TOX3: variants seen among roughly 807,000 people sequenced by gnomAD.
TOX3 encodes CAG trinucleotide repeat-containing gene F9 protein.
A neutral mutation model predicts 64.3 loss-of-function variants in TOX3; 22 were observed. The observed-to-expected ratio is 0.34, with a 90% CI of 0.24 to 0.49. TOX3 has a LOEUF of 0.49. Among genes scored for constraint, TOX3 ranks in the 20% least tolerant of loss-of-function variants. TOX3 has a pLI of 0.99. For missense variants in TOX3, 661 were observed against 714.4 expected, an observed-to-expected ratio of 0.93 and a Z score of 0.85; for synonymous variants, 291 against 273.6, an observed-to-expected ratio of 1.06 and a Z score of -0.63.
In TOX3 at chr16:52,468,502, C is replaced by T. The variant is rs538514675; in HGVS notation, c.153+7G>A. ...ACAGGAACAAACACATTAAGACAGTCACCTACCTCACTGGCAGCGAAGAAC... is the reference window on the plus strand; with the variant it reads ...ACAGGAACAAACACATTAAGACAGTTACCTACCTCACTGGCAGCGAAGAAC... On this transcript the variant is annotated splice_region_variant and intron_variant, in intron 2 of 6. Transcript: ENST00000219746. 13 of 1,612,246 alleles carry T rather than the reference C, an allele frequency of 8.1e-6. No individual in the cohort carries two copies. In the South Asian group the frequency reaches 1.3e-4, roughly 16 times the overall value.
At chr16:52,536,627 CTATATATATATATA>C (rs57164139) in intron 1 of TOX3, among the ~76,000 whole-genome samples, 1,824 of 34,260 alleles carry the variant, frequency 0.053, 69 homozygotes, top group Middle Eastern at 0.16. Context: ...TAGATATACA[CTATATATATATATA>C]TATATATATA....
intron 1 of TOX3, among the ~76,000 whole-genome samples, chr16:52,545,596 T>C (rs777238740): frequency 9.9e-5 from 15 of 152,068 alleles, no homozygotes; most frequent in Non-Finnish European, 1.5e-4. Context: ...ACAAACAAAC[T>C]ACGATTTGAA....
intron 1 of TOX3, among the ~76,000 whole-genome samples, chr16:52,490,788 C>T (rs1567332568): frequency 1.3e-5 from 2 of 151,774 alleles, no homozygotes. Flanking sequence ...CACCATCACA[C>T]CCAGCTAATT....
chr16:52,512,598 T>C (rs1456228649), intron 1 of TOX3, among the ~76,000 whole-genome samples: 1 of 152,078 alleles, frequency 6.6e-6, no homozygotes, highest in Non-Finnish European at 1.5e-5. Flanking sequence ...TGGATGGCAA[T>C]AAATAAGAAT....
intron 1 of TOX3, among the ~76,000 whole-genome samples, chr16:52,488,177 G>A (rs1212277327): frequency 6.6e-6 from 1 of 152,068 alleles, no homozygotes; most frequent in Non-Finnish European, 1.5e-5. Flanking sequence ...CTCTTCCATT[G>A]GAAACTCTTC....
intron 1 of TOX3, among the ~76,000 whole-genome samples, chr16:52,531,773 T>C (rs1240346094): frequency 6.6e-6 from 1 of 152,016 alleles, no homozygotes; most frequent in Non-Finnish European, 1.5e-5. Context: ...CTTTAGAAGA[T>C]TAAACCAGAA....
At chr16:52,506,298 G>A (rs1962161102) in intron 1 of TOX3, among the ~76,000 whole-genome samples, 1 of 152,124 alleles carries the variant, frequency 6.6e-6, no homozygotes, top group Admixed American at 6.6e-5. Flanking sequence ...GCTATCAAAA[G>A]ACAGATAAAA....
intron 3 of TOX3, among the ~76,000 whole-genome samples, chr16:52,453,972 T>C (rs1960439425): frequency 6.6e-6 from 1 of 152,188 alleles, no homozygotes; most frequent in Admixed American, 6.5e-5. Flanking sequence ...TCTAATTTAA[T>C]CCCCTAGATT....
intron 4 of TOX3, among the ~76,000 whole-genome samples, chr16:52,448,964 T>C (rs1960252662): frequency 6.6e-6 from 1 of 152,206 alleles, no homozygotes; most frequent in South Asian, 2.1e-4. Context: ...ATTCTGGCTC[T>C]CAAACTAAAA....
At chr16:52,500,020 A>G (rs1284579191) in intron 1 of TOX3, among the ~76,000 whole-genome samples, 3 of 152,212 alleles carry the variant, frequency 2.0e-5, no homozygotes, top group Admixed American at 6.5e-5. Flanking sequence ...AACAAGAGAT[A>G]TGTTTATGTT....
intron 1 of TOX3, among the ~76,000 whole-genome samples, chr16:52,528,775 T>C (rs1432254223): frequency 1.3e-5 from 2 of 152,214 alleles, no homozygotes; most frequent in East Asian, 1.9e-4. Flanking sequence ...AGTACATTTG[T>C]ATTGCCATGA....
chr16:52,480,534 A>G (rs1298564259), intron 1 of TOX3, among the ~76,000 whole-genome samples: 1 of 152,212 alleles, frequency 6.6e-6, no homozygotes, highest in Non-Finnish European at 1.5e-5. Flanking sequence ...CAAATGTAAA[A>G]AAGGAACAAC....
At chr16:52,468,845 C>G (rs1428986790) in intron 1 of TOX3, among the ~76,000 whole-genome samples, 1 of 152,158 alleles carries the variant, frequency 6.6e-6, no homozygotes, top group Non-Finnish European at 1.5e-5. Context: ...GCCAACTGGT[C>G]ACCAGTGTGT....
intron 1 of TOX3, among the ~76,000 whole-genome samples, chr16:52,526,756 G>A (rs979608212): frequency 2.0e-5 from 3 of 152,150 alleles, no homozygotes; most frequent in East Asian, 1.9e-4. Flanking sequence ...TAGTCTTTGC[G>A]ATTTTCTGTT....
chr16:52,439,000 C>T lies in TOX3; in HGVS notation c.*225G>A, dbSNP rs1453490734. Reference sequence around the variant, plus strand: ...ATAAAAAAGGCATCACATAAAAGAGCACAGCTTTTCTTGTTTAAAAACAAA... The same window carrying T: ...ATAAAAAAGGCATCACATAAAAGAGTACAGCTTTTCTTGTTTAAAAACAAA... On this transcript the variant is annotated 3_prime_UTR_variant, in exon 7 of 7. Coordinates refer to ENST00000219746, the MANE Select transcript of TOX3 (RefSeq NM_001080430.4). The T allele has an allele frequency of 6.9e-6, 5 of 729,918 alleles. No individual in the cohort carries two copies. Among genetic ancestry groups the T allele is most frequent in the African/African-American group, 1.7e-5 (1 of 57,838 alleles). 45.2% of individuals were successfully genotyped at this position (729,918 alleles called of 1,614,324 possible).
chr16:52,449,430 T>A (rs912141834), intron 4 of TOX3, among the ~76,000 whole-genome samples: 2 of 152,184 alleles, frequency 1.3e-5, no homozygotes, highest in Non-Finnish European at 2.9e-5. Flanking sequence ...TTAGACCTAA[T>A]TCAAATATCA....
chr16:52,540,182 C>T (rs915088020), intron 1 of TOX3, among the ~76,000 whole-genome samples: 1 of 151,904 alleles, frequency 6.6e-6, no homozygotes, highest in African/African-American at 2.4e-5. Flanking sequence ...GAGTTCAAGA[C>T]CAACCCTGGT....
intron 1 of TOX3, among the ~76,000 whole-genome samples, chr16:52,526,010 T>C (rs999482456): frequency 1.4e-4 from 21 of 152,176 alleles, no homozygotes; most frequent in African/African-American, 4.8e-4. Flanking sequence ...AGCTACTTTT[T>C]ATAAGAATTT....
intron 1 of TOX3, among the ~76,000 whole-genome samples, chr16:52,522,862 AAC>A (rs1567349694): frequency 6.6e-6 from 1 of 152,156 alleles, no homozygotes; most frequent in Admixed American, 6.6e-5. Flanking sequence ...TTTGCCTCAA[AAC>A]ACACTTTCCT....
Sources: gnomAD v4.1 joint callset for allele counts (sites outside exome capture counted in the v4.1 genomes callset) on GRCh38, gnomAD v4.1.1 for gene constraint, MANE v1.5 for transcripts, NCBI Gene and HGNC (gene_info 2026-07-23, HGNC 2026-07-21) for gene names.